The following PCID2 variants were observed in gnomAD, a reference collection of about 807,000 sequenced individuals.
PCID2 encodes the protein PCI domain-containing protein 2.
PCID2 carries 41 observed loss-of-function variants against 61.3 expected under a neutral mutation model. The observed-to-expected ratio is 0.67, with a 90% CI of 0.52 to 0.87. PCID2 has a LOEUF of 0.87. Ranked by LOEUF, PCID2 falls within the 40% of genes least tolerant of loss-of-function variation. The pLI is 0.00. For synonymous variants in PCID2, 187 were observed against 177.8 expected, an observed-to-expected ratio of 1.05 and a Z score of -0.41; for missense variants, 392 against 493.4, an observed-to-expected ratio of 0.79 and a Z score of 1.95.
chr13:113,169,092 T>C, the PCID2 span, among the ~76,000 whole-genome samples: 2 of 152,150 alleles, frequency 1.3e-5, no homozygotes, highest in Admixed American at 1.3e-4. Context: ...TCTAATTACA[T>C]GTATCTTAAG....
intron 4 of PCID2, 130 bp from the exon 5 acceptor site, chr13:113,196,352 AGTTCTT>A: frequency 1.6e-6 from 1 of 641,536 alleles, no homozygotes; most frequent in Middle Eastern, 3.9e-4. Context: ...AACAATAGTA[AGTTCTT>A]GAAGGAAAAA....
At chr13:113,194,060 T>G (rs2038818747) in intron 6 of PCID2, among the ~76,000 whole-genome samples, 1 of 152,160 alleles carries the variant, frequency 6.6e-6, no homozygotes, top group Non-Finnish European at 1.5e-5. Context: ...TGCATCCCCT[T>G]AGCCACTGAG....
intron 6 of PCID2, among the ~76,000 whole-genome samples, chr13:113,194,001 CTTTA>C (rs1404580868): frequency 2.0e-5 from 3 of 152,128 alleles, no homozygotes; most frequent in Admixed American, 1.3e-4. Context: ...AGACTATGGA[CTTTA>C]TTTATCTTGT....
chr13:113,173,236 C>G (rs2138617768), downstream of PCID2, among the ~76,000 whole-genome samples: 1 of 152,338 alleles, frequency 6.6e-6, no homozygotes, highest in Admixed American at 6.5e-5. Flanking sequence ...CAGTAAACAC[C>G]TGCTGTCATG....
At chr13:113,197,080 G>A in intron 4 of PCID2, 98 bp downstream of exon 4, 2 of 1,614,226 alleles carry the variant, frequency 1.2e-6, no homozygotes, top group South Asian at 1.1e-5. Context: ...TCTAACTGCA[G>A]AAATGAGCAA....
At chr13:113,167,936 G>A in the PCID2 span, among the ~76,000 whole-genome samples, 2 of 151,778 alleles carry the variant, frequency 1.3e-5, no homozygotes, top group Admixed American at 1.3e-4. Flanking sequence ...ATCATCTCTG[G>A]TTCTTTGTTG....
chr13:113,168,848 C>T, the PCID2 span, among the ~76,000 whole-genome samples: 47 of 152,258 alleles, frequency 3.1e-4, no homozygotes, highest in African/African-American at 1.0e-3. Flanking sequence ...CCCACCTCAG[C>T]GTCTTGAGTA....
intron 7 of PCID2, 114 bp downstream of exon 7, chr13:113,190,758 G>A (rs2038543669): frequency 3.8e-6 from 2 of 525,904 alleles, no homozygotes; most frequent in Non-Finnish European, 3.4e-6. Flanking sequence ...TGGGATTATA[G>A]CATGTGTAGA....
intron 1 of PCID2, among the ~76,000 whole-genome samples, chr13:113,203,341 T>C (rs894941551): frequency 2.6e-5 from 4 of 152,216 alleles, no homozygotes; most frequent in African/African-American, 9.6e-5. Context: ...GCCTAGCTCC[T>C]GACATTTTCA....
intron 5 of PCID2, among the ~76,000 whole-genome samples, chr13:113,195,617 A>G (rs2038956065): frequency 6.6e-6 from 1 of 152,098 alleles, no homozygotes; most frequent in Admixed American, 6.6e-5. Context: ...CAGTGAGCCA[A>G]GACTGCGCCA....
rs1472174927 is a variant in PCID2, at chr13:113,195,125, C to A, written c.309G>T (p.Trp103Cys). ...CTACTGCATACATGACAGGCAGAGC[C>A]CTGCAGGGCAAAAAAGTAAACAAGT... ...RAFQAHKEEN[W>C]ALPVMYAVAL... Residue 103 changes from tryptophan (W) to cysteine (C), a missense_variant and splice_region_variant, in exon 6 of 14, where the codon TGG (tryptophan) becomes TGT (cysteine). By Grantham distance (215) the Trp-to-Cys change is radical. This residue lies in a region of PCID2 where 155 missense variants were observed against 164.9 expected (regional missense o/e 0.94). Coordinates refer to ENST00000337344, the MANE Select transcript of PCID2 (RefSeq NM_001127202.4). 1 of 1,607,442 alleles carries A rather than the reference C, an allele frequency of 6.2e-7. No homozygotes were observed. Among genetic ancestry groups the A allele is most frequent in the Non-Finnish European group, 8.5e-7 (1 of 1,173,906 alleles).
rs769543616 is a variant in PCID2 at position 113,197,202 on chromosome 13, T to C, written c.242A>G (p.Tyr81Cys). 1.2e-6 allele frequency: 2 copies of C among 1,614,118 alleles called. No homozygotes were observed. The highest frequency in any genetic ancestry group is 1.7e-5 in the Admixed American group (1 of 60,022). Residue 81 changes from tyrosine to cysteine, a missense_variant, in exon 4 of 14, where the codon TAC becomes TGC. Tyr to Cys is a radical substitution (Grantham distance 194). Transcript: ENST00000337344. Reference protein sequence around the residue: ...AVGNHDFIEAYKCQTVIVQSF... With the variant: ...AVGNHDFIEACKCQTVIVQSF... ...TTGGACTATCACGGTCTGGCACTTG[T>C]ATGCCTCTATGAAGTCATGATTCCC...
the PCID2 span, chr13:113,172,033 A>AG: frequency 6.2e-7 from 1 of 1,613,126 alleles, no homozygotes; most frequent in East Asian, 2.2e-5. Context: ...AGCCAGTAGG[A>AG]GGGCAGGCTC....
chr13:113,197,316 T>A, intron 3 of PCID2, 73 bp from the exon 4 acceptor site: 1 of 1,045,244 alleles, frequency 9.6e-7, no homozygotes, highest in Non-Finnish European at 1.5e-6. Flanking sequence ...CACAGCTCAC[T>A]TCATTGCACA....
intron 9 of PCID2, chr13:113,183,746 T>C (rs2037851624): frequency 2.0e-6 from 2 of 984,318 alleles, no homozygotes; most frequent in Admixed American, 6.2e-5. Flanking sequence ...CCGATAAAAA[T>C]TACAAAAAGA....
At chr13:113,205,375 G>C (rs1043503277) in intron 1 of PCID2, among the ~76,000 whole-genome samples, 4 of 152,196 alleles carry the variant, frequency 2.6e-5, no homozygotes, top group African/African-American at 9.7e-5. Context: ...AAAAAAACAA[G>C]CATTGACAAG....
chr13:113,170,434 G>A, the PCID2 span: 3 of 1,605,270 alleles, frequency 1.9e-6, no homozygotes, highest in African/African-American at 2.7e-5. Flanking sequence ...AAATTCCGAA[G>A]GAAAAGACTT....
intron 13 of PCID2, 56 bp from the exon 14 acceptor site, chr13:113,178,343 A>G: frequency 7.8e-7 from 1 of 1,284,398 alleles, no homozygotes; most frequent in Non-Finnish European, 1.1e-6. Context: ...GTCATGTCAA[A>G]GATGCTGGGT....
intron 7 of PCID2, chr13:113,185,821 C>T (rs947186013): frequency 1.5e-5 from 5 of 340,124 alleles, no homozygotes; most frequent in Non-Finnish European, 2.7e-5. Flanking sequence ...ATCCTTCCTC[C>T]GCGGCACCAG....
Sources: allele counts gnomAD v4.1 joint callset (sites outside exome capture counted in the v4.1 genomes callset), GRCh38; gene constraint gnomAD v4.1.1; regional missense constraint gnomAD v4.1.1; transcripts MANE v1.5; gene names NCBI Gene and HGNC (gene_info 2026-07-23, HGNC 2026-07-21).